VPS13D: variants seen among roughly 807,000 people sequenced by gnomAD.
VPS13D encodes intermembrane lipid transfer protein VPS13D.
Under a neutral mutation model 461.9 loss-of-function variants are expected in VPS13D, and 187 were observed. The ratio of observed to expected loss-of-function variants is 0.40; its 90% confidence interval spans 0.36 to 0.46. The LOEUF is 0.46. Among genes scored for constraint, VPS13D ranks in the 20% least tolerant of loss-of-function variants. The pLI is 0.60. For missense variants in VPS13D, 4,711 were observed against 5,364.9 expected (o/e 0.88, Z 3.81); for synonymous variants, 1,951 against 1,986.3 (o/e 0.98, Z 0.47).
intron 65 of VPS13D, among the ~76,000 whole-genome samples, chr1:12,447,509 G>A (rs954186942): frequency 6.6e-6 from 1 of 152,166 alleles, no homozygotes; most frequent in African/African-American, 2.4e-5. Context: ...GTGGTCTTCA[G>A]TACTTGGAAG....
At chr1:12,387,946 C>T (rs1244700350) in intron 60 of VPS13D, among the ~76,000 whole-genome samples, 1 of 151,992 alleles carries the variant, frequency 6.6e-6, no homozygotes, top group Admixed American at 6.5e-5. Context: ...ATCAGCAGAC[C>T]CATGCTACAA....
chr1:12,256,628 A>G (rs1640930433), intron 8 of VPS13D, 125 bp downstream of exon 8: 10 of 1,110,086 alleles, frequency 9.0e-6, no homozygotes, highest in Non-Finnish European at 1.1e-5. Context: ...TCCAGACTAA[A>G]GTTGTGTTAG....
chr1:12,465,313 C>T (rs1196492039), intron 67 of VPS13D: 2 of 152,112 alleles, frequency 1.3e-5, no homozygotes, highest in Non-Finnish European at 2.9e-5. Flanking sequence ...ATTTCTTCAC[C>T]TTTTAAGTCA....
chr1:12,240,136 A>C lies in VPS13D; in HGVS notation c.98-2377A>C, dbSNP rs74055821. Among the ~76,000 whole-genome samples, 1,201 of 151,776 alleles carry C rather than the reference A, an allele frequency of 7.9e-3. 16 individuals carry two copies. The highest frequency in any genetic ancestry group is 0.028 in the African/African-American group (1,145 of 41,358). On this transcript the variant is annotated intron_variant, in intron 2 of 69. Transcript: ENST00000620676. ...TGTTTCTTCTCATTTTTTCCTTTAC[A>C]TTCTCTCTCTCCTTTCTAGATCTCC...
chr1:12,247,797 G>A (rs757088532), intron 5 of VPS13D, among the ~76,000 whole-genome samples: 4 of 150,642 alleles, frequency 2.7e-5, no homozygotes, highest in African/African-American at 9.8e-5. Context: ...TCCGCCTCCC[G>A]GATTCAAGCG....
chr1:12,300,024 C>A (rs1247369261), intron 25 of VPS13D, among the ~76,000 whole-genome samples: 1 of 151,604 alleles, frequency 6.6e-6, no homozygotes, highest in African/African-American at 2.4e-5. Context: ...TTCCCCCCAA[C>A]CCCCCGACTC....
intron 46 of VPS13D, 80 bp from the exon 47 acceptor site, chr1:12,353,891 ATTC>A (rs1412709505): frequency 1.2e-5 from 17 of 1,408,390 alleles, no homozygotes; most frequent in Admixed American, 4.6e-5. Context: ...TCTTAATGTT[ATTC>A]TTTCTCATAC....
intron 21 of VPS13D, among the ~76,000 whole-genome samples, chr1:12,286,056 C>T (rs2101400583): frequency 6.7e-6 from 1 of 149,274 alleles, no homozygotes; most frequent in South Asian, 2.1e-4. Flanking sequence ...CCTTCCTTTC[C>T]TTTCCTTCCC....
chr1:12,493,255 G>A (rs920863091), intron 67 of VPS13D, among the ~76,000 whole-genome samples: 1 of 151,436 alleles, frequency 6.6e-6, no homozygotes, highest in Non-Finnish European at 1.5e-5. Context: ...TTGGGAGGCC[G>A]AGGCGGGTGG....
At chr1:12,310,610 C>T (rs934816548) in intron 27 of VPS13D, among the ~76,000 whole-genome samples, 3 of 152,314 alleles carry the variant, frequency 2.0e-5, no homozygotes, top group Non-Finnish European at 2.9e-5. Flanking sequence ...CCTTTAGTTA[C>T]CACTAAATCC....
chr1:12,491,953 G>A (rs1645888185), intron 67 of VPS13D, among the ~76,000 whole-genome samples: 1 of 152,252 alleles, frequency 6.6e-6, no homozygotes, highest in South Asian at 2.1e-4. Flanking sequence ...GTTTGTGGAG[G>A]CAGAGTTGCT....
At chr1:12,267,662 G>A (rs1009428991) in intron 14 of VPS13D, among the ~76,000 whole-genome samples, 183 bp from the exon 15 acceptor site, 2 of 152,200 alleles carry the variant, frequency 1.3e-5, no homozygotes, top group African/African-American at 2.4e-5. Context: ...AAAAGATGTG[G>A]TCTCACTAGA....
At chr1:12,404,979 A>G (rs1171741061) in intron 63 of VPS13D, among the ~76,000 whole-genome samples, 1 of 152,178 alleles carries the variant, frequency 6.6e-6, no homozygotes, top group African/African-American at 2.4e-5. Context: ...TCACTGCCCC[A>G]TGCTGCCTCC....
chr1:12,345,179 C>G (rs1044144822), intron 42 of VPS13D, among the ~76,000 whole-genome samples, 195 bp from the exon 43 acceptor site: 12 of 152,184 alleles, frequency 7.9e-5, no homozygotes, highest in African/African-American at 2.9e-4. Flanking sequence ...CTTTACAGAT[C>G]TTGCAGTTTG....
At chr1:12,295,493 A>T (rs1642251108) in intron 24 of VPS13D, among the ~76,000 whole-genome samples, 1 of 152,162 alleles carries the variant, frequency 6.6e-6, no homozygotes, top group Non-Finnish European at 1.5e-5. Flanking sequence ...ATGTATTTTT[A>T]AAAAATATAC....
At position 12,479,697 on chromosome 1, in the gene VPS13D, G is replaced by A. The variant is rs140037121; in HGVS notation, c.12663-17803G>A. Reference sequence around the variant, plus strand: ...CTGTGCTGCTTCTGGGCCATCTCTCGGTCCCTCACATCGAAAGACCTCATG... The same window carrying A: ...CTGTGCTGCTTCTGGGCCATCTCTCAGTCCCTCACATCGAAAGACCTCATG... On this transcript the variant is annotated intron_variant, in intron 67 of 69. Transcript: ENST00000620676. 2.2e-4 allele frequency among the ~76,000 whole-genome samples: 34 copies of A among 152,176 alleles called. No individual in the cohort carries two copies. In the East Asian group the frequency reaches 6.0e-3, roughly 27 times the overall value.
At position 12,333,340 on chromosome 1, in the gene VPS13D, A is replaced by G. The variant is rs764349853; in HGVS notation, c.8402A>G (p.Asp2801Gly). 6.2e-7 allele frequency: 1 copy of G among 1,614,154 alleles called. No individual in the cohort carries two copies. Among genetic ancestry groups the G allele is most frequent in the Non-Finnish European group, 8.5e-7 (1 of 1,180,010 alleles). Residue 2801 changes from aspartate (D) to glycine (G), a missense_variant, in exon 38 of 70, where the codon GAT becomes GGT. Asp to Gly is a moderately conservative substitution (Grantham distance 94). Coordinates refer to ENST00000620676, the MANE Select transcript of VPS13D (RefSeq NM_015378.4). ...KLEAKAKPRL[D>G]INITSVLIDQ... The stretch of plus-strand genomic sequence containing the variant: ...GAAGCCAAGGCCAAACCTCGTTTGG[A>G]TATCAATATCACTTCTGTGCTAATT...
At chr1:12,259,237 C>T (rs1302975354) in intron 10 of VPS13D, among the ~76,000 whole-genome samples, 2 of 151,738 alleles carry the variant, frequency 1.3e-5, no homozygotes, top group Non-Finnish European at 2.9e-5. Flanking sequence ...GAGTTTCATC[C>T]TTCTGCCCAG....
At chr1:12,312,724 A>G (rs1642789058) in intron 29 of VPS13D, among the ~76,000 whole-genome samples, 1 of 152,154 alleles carries the variant, frequency 6.6e-6, no homozygotes, top group Admixed American at 6.6e-5. Flanking sequence ...ACACCACTGC[A>G]CTCCAGCCTA....
Sources: gnomAD v4.1 joint callset for allele counts (sites outside exome capture counted in the v4.1 genomes callset) on GRCh38, gnomAD v4.1.1 for gene constraint, MANE v1.5 for transcripts, NCBI Gene and HGNC (gene_info 2026-07-23, HGNC 2026-07-21) for gene names.